SLC1A4: variants seen among roughly 807,000 people sequenced by gnomAD.
SLC1A4 encodes the protein solute carrier family 1 member 4, also known as neutral amino acid transporter A.
Under a neutral mutation model 37.7 loss-of-function variants are expected in SLC1A4, and 19 were observed. The observed-to-expected ratio is 0.50, with a 90% CI of 0.35 to 0.74. SLC1A4 has a LOEUF of 0.74. SLC1A4 is among the 30% of genes least tolerant of loss of function. The probability of loss-of-function intolerance (pLI) is 0.01; values close to 1 mark genes in which losing one functional copy is unlikely to be tolerated. For synonymous variants in SLC1A4, 299 were observed against 309.8 expected (o/e 0.97, Z 0.37); for missense variants, 570 against 712.9 (o/e 0.80, Z 2.28).
At chr2:64,990,305 A>C in intron 1 of SLC1A4, 135 bp downstream of exon 1, 1 of 908,464 alleles carries the variant, frequency 1.1e-6, no homozygotes. Flanking sequence ...TAACGTTTTA[A>C]AAATATCAAA....
chr2:65,014,430 G>A (rs1233239667), intron 4 of SLC1A4, among the ~76,000 whole-genome samples: 1 of 152,174 alleles, frequency 6.6e-6, no homozygotes, highest in Non-Finnish European at 1.5e-5. Flanking sequence ...GTGAGGGTGA[G>A]GTTTCTCAAC....
rs985833775 is a variant in SLC1A4, at chr2:64,989,756, T to C, written c.113T>C (p.Phe38Ser). ...AAGRARRCAG[F>S]LRRQALVLLT... ...GGACGCGCACGGCGTTGCGCGGGCT[T>C]CCTGCGGCGCCAAGCGCTGGTGCTG... is the stretch of plus-strand genomic sequence containing the variant. Residue 38 changes from phenylalanine (F) to serine (S), a missense_variant, in exon 1 of 8, where the codon TTC (phenylalanine) becomes TCC (serine). By Grantham distance (155) the Phe-to-Ser change is radical. Transcript: ENST00000234256. The C allele has an allele frequency of 4.8e-6, 7 of 1,444,762 alleles. No individual in the cohort carries two copies. Among genetic ancestry groups the C allele is most frequent in the Non-Finnish European group, 6.3e-6 (7 of 1,106,564 alleles). The allele number at this position is 1,444,762 out of a possible 1,614,324, so 89.5% of individuals were successfully genotyped here. A position where few individuals can be genotyped will look rare whatever the true frequency, so the allele number is the denominator to read the frequency against.
Position 65,021,533 on chromosome 2 carries a change from A to G in SLC1A4, c.*387A>G. ...TCAGCTCTGCATCAGGTGTTTTCTG[A>G]GCAAACCAAGGGGGTTTATAGTCAT... is the stretch of plus-strand genomic sequence containing the variant. On this transcript the variant is annotated 3_prime_UTR_variant, in exon 8 of 8. Transcript: ENST00000234256. The G allele has an allele frequency of 4.9e-6, 1 of 202,752 alleles. No individual in the cohort carries two copies. Among genetic ancestry groups the G allele is most frequent in the Non-Finnish European group, 1.0e-5 (1 of 99,900 alleles). 12.6% of individuals were successfully genotyped at this position (202,752 alleles called of 1,614,324 possible). A position where few individuals can be genotyped will look rare whatever the true frequency, so the allele number is the denominator to read the frequency against.
chr2:65,007,276 G>C (rs11689731), intron 3 of SLC1A4, among the ~76,000 whole-genome samples: 1 of 87,764 alleles, frequency 1.1e-5, no homozygotes, highest in Non-Finnish European at 3.7e-5. Context: ...GTGTTTGTGT[G>C]TGTGTGTGTG....
chr2:65,013,517 C>T (rs1012814430), intron 4 of SLC1A4, among the ~76,000 whole-genome samples: 4 of 152,172 alleles, frequency 2.6e-5, no homozygotes, highest in Non-Finnish European at 5.9e-5. Flanking sequence ...CCATAGCGCC[C>T]GGCCGGACAT....
At chr2:65,004,115 T>C in intron 3 of SLC1A4, 100 bp downstream of exon 3, 2 of 953,624 alleles carry the variant, frequency 2.1e-6, no homozygotes, top group South Asian at 1.4e-5. Context: ...ACTTTGAGGT[T>C]TGAATGGGCT....
chr2:64,998,278 G>A (rs773377428), intron 1 of SLC1A4, among the ~76,000 whole-genome samples: 10 of 151,728 alleles, frequency 6.6e-5, no homozygotes, highest in East Asian at 1.9e-4. Context: ...TAAATTAGCC[G>A]GGCGTGGTGG....
intron 5 of SLC1A4, among the ~76,000 whole-genome samples, chr2:65,017,425 A>G (rs1334587952): frequency 6.6e-6 from 1 of 151,840 alleles, no homozygotes; most frequent in Non-Finnish European, 1.5e-5. Flanking sequence ...TCATTCACAC[A>G]TTTAGTTTTG....
chr2:64,992,258 G>C (rs1673087180), intron 1 of SLC1A4, among the ~76,000 whole-genome samples: 1 of 152,222 alleles, frequency 6.6e-6, no homozygotes, highest in African/African-American at 2.4e-5. Flanking sequence ...CTCCAGAAGA[G>C]GGGGCAGTGG....
intron 1 of SLC1A4, chr2:65,001,103 G>A (rs905665006): frequency 9.7e-6 from 2 of 206,564 alleles, no homozygotes; most frequent in East Asian, 1.3e-4. Context: ...AGTATCTACT[G>A]TGGCCCAGCA....
chr2:65,018,519 G>A lies in SLC1A4; in HGVS notation c.1230-26G>A. 6.2e-7 allele frequency: 1 copy of A among 1,612,894 alleles called. No individual in the cohort carries two copies. Among genetic ancestry groups the A allele is most frequent in the South Asian group, 1.1e-5 (1 of 90,994 alleles). ...GTCCACTCCACGCTCTATGTTAATGGCTGGCCCTGCTCTGCCATCCCTTAG... is the reference window on the plus strand; with the variant it reads ...GTCCACTCCACGCTCTATGTTAATGACTGGCCCTGCTCTGCCATCCCTTAG... On this transcript the variant is annotated intron_variant, in intron 6 of 7. Transcript: ENST00000234256. The surrounding 1 kb of genome is among the most constrained non-coding windows in gnomAD (Gnocchi z 4.3).
At chr2:65,012,728 C>T (rs977630267) in intron 4 of SLC1A4, among the ~76,000 whole-genome samples, 1 of 152,180 alleles carries the variant, frequency 6.6e-6, no homozygotes, top group Middle Eastern at 3.4e-3. Flanking sequence ...TTAATATTTT[C>T]CAAAGTTTAG....
At chr2:65,001,367 A>G (rs1673452256) in intron 1 of SLC1A4, 81 bp from the exon 2 acceptor site, 1 of 1,273,732 alleles carries the variant, frequency 7.9e-7, no homozygotes, top group Non-Finnish European at 1.1e-6. Context: ...ACACCACTGC[A>G]CTCCAGCCTG....
intron 3 of SLC1A4, among the ~76,000 whole-genome samples, chr2:65,010,374 T>C (rs142782346): frequency 0.011 from 1,646 of 152,286 alleles, 29 homozygotes; most frequent in African/African-American, 0.037. Flanking sequence ...GCTTTCAGAG[T>C]TAACTAGAAG....
At position 65,004,026 on chromosome 2, in the gene SLC1A4, T is replaced by G. The variant is rs988203894; in HGVS notation, c.633+11T>G. 6.3e-7 allele frequency: 1 copy of G among 1,599,898 alleles called. No homozygotes were observed. The highest frequency in any genetic ancestry group is 8.6e-7 in the Non-Finnish European group (1 of 1,167,064). On this transcript the variant is annotated intron_variant, in intron 3 of 7. Transcript: ENST00000234256. The stretch of plus-strand genomic sequence containing the variant: ...GTAACCCATGAAAAGGTAAAGCTTT[T>G]TATAAGGTCACTTGTAAAAATATGT...
chr2:64,989,367 C>T (rs918612714), upstream of SLC1A4: 11 of 319,904 alleles, frequency 3.4e-5, no homozygotes, highest in Non-Finnish European at 5.7e-5. Flanking sequence ...ACTTCCCCGT[C>T]TGCGTCCGCG....
intron 1 of SLC1A4, among the ~76,000 whole-genome samples, chr2:64,996,550 T>A (rs1219876382): frequency 1.3e-5 from 2 of 152,190 alleles, no homozygotes; most frequent in African/African-American, 4.8e-5. Flanking sequence ...ATTTCAGTAC[T>A]CTACATCTGG....
intron 5 of SLC1A4, 80 bp from the exon 6 acceptor site, chr2:65,017,991 T>G: frequency 7.9e-7 from 1 of 1,265,706 alleles, no homozygotes; most frequent in Non-Finnish European, 1.1e-6. Flanking sequence ...AATTGCTCTG[T>G]TCTGGGGTCT....
At chr2:65,017,585 G>A (rs1428156964) in intron 5 of SLC1A4, among the ~76,000 whole-genome samples, 4 of 152,026 alleles carry the variant, frequency 2.6e-5, no homozygotes, top group South Asian at 2.1e-4. Flanking sequence ...TGCAGAGCCC[G>A]CAGAGCCAGC....
Sources: gnomAD v4.1 joint callset for allele counts (sites outside exome capture counted in the v4.1 genomes callset) on GRCh38, gnomAD v4.1.1 for gene constraint, Gnocchi (gnomAD v3.1) non-coding constraint, MANE v1.5 for transcripts, NCBI Gene and HGNC (gene_info 2026-07-23, HGNC 2026-07-21) for gene names.